PCDHGB3: variants seen among roughly 807,000 people sequenced by gnomAD.
The protein encoded by PCDHGB3 is protocadherin gamma-B3.
PCDHGB3 carries 40 observed loss-of-function variants against 59.2 expected under a neutral mutation model. The observed-to-expected ratio is 0.68, with a 90% CI of 0.52 to 0.88. The LOEUF (loss-of-function observed/expected upper bound fraction) is 0.88. Among genes scored for constraint, PCDHGB3 ranks in the 40% least tolerant of loss-of-function variants. The probability of loss-of-function intolerance (pLI) is 0.00; values close to 1 mark genes in which losing one functional copy is unlikely to be tolerated. For synonymous variants in PCDHGB3, 581 were observed against 503.6 expected (o/e 1.15, Z -2.06); for missense variants, 1,309 against 1,187.9 (o/e 1.10, Z -1.50).
chr5:141,438,627 T>TAC (rs2098030812), intron 1 of PCDHGB3, among the ~76,000 whole-genome samples: 3 of 48,012 alleles, frequency 6.2e-5, no homozygotes, highest in Non-Finnish European at 1.0e-4. Flanking sequence ...TATATATATA[T>TAC]ATATATATAC....
Position 141,405,415 on chromosome 5 carries a change from GT to G in PCDHGB3, c.2415+32612del, listed in dbSNP as rs757320616. The G allele has an allele frequency of 3.1e-4, 488 of 1,559,566 alleles. 1 individual carries two copies. Among genetic ancestry groups the G allele is most frequent in the Admixed American group, 8.4e-4 (46 of 54,770 alleles). On this transcript the variant is annotated intron_variant, in intron 1 of 3. Transcript: ENST00000576222. Reference sequence around the variant, plus strand: ...TTTTCTTTCTTTCTTTTCTTTTTTTGTTTTTTGTTTTGTTTTGTTTTTGAGA... The same window carrying G: ...TTTTCTTTCTTTCTTTTCTTTTTTTGTTTTTGTTTTGTTTTGTTTTTGAGA...
At chr5:141,403,125 A>G (rs755647554) in intron 1 of PCDHGB3, 2 of 1,614,028 alleles carry the variant, frequency 1.2e-6, no homozygotes. Context: ...GAGCCCCGGG[A>G]GCTGGCGGAG....
rs773389466 is a variant in PCDHGB3, at chr5:141,388,420, C to T, written c.2415+15611C>T. The T allele has an allele frequency of 3.1e-6, 5 of 1,613,778 alleles. No homozygotes were observed. The South Asian group carries it at 4.4e-5, about 14-fold the overall frequency. ...CAACTCAGTCCCAGTGATCATTTCT[C>T]ACTGATAAATAAAGAGAAATCAGAT... On this transcript the variant is annotated intron_variant, in intron 1 of 3. Coordinates refer to ENST00000576222, the MANE Select transcript of PCDHGB3 (RefSeq NM_018924.5).
At chr5:141,430,633 C>T in intron 1 of PCDHGB3, 1 of 868,018 alleles carries the variant, frequency 1.2e-6, no homozygotes, top group Non-Finnish European at 1.7e-6. Context: ...ATGAACCATC[C>T]CTGGGAGTAT....
chr5:141,408,157 T>C (rs748693406), intron 1 of PCDHGB3: 70 of 1,514,372 alleles, frequency 4.6e-5, no homozygotes, highest in Non-Finnish European at 5.9e-5. Flanking sequence ...AGAGTGCACT[T>C]TCTCCAACTG....
At position 141,491,971 on chromosome 5, in the gene PCDHGB3, T is replaced by C. The variant is rs62379205; in HGVS notation, c.2416-2836T>C. ...CCTACACTCAAAAAAGGCCGGGGCC[T>C]CCTTCGAGCTTCCGGTGAATTTCGG... is the stretch of plus-strand genomic sequence containing the variant. On this transcript the variant is annotated intron_variant, in intron 1 of 3. Coordinates refer to ENST00000576222, the MANE Select transcript of PCDHGB3 (RefSeq NM_018924.5). This position sits in a 1 kb window ranked among gnomAD's most constrained non-coding sequence, Gnocchi z 6.9. The C allele has an allele frequency of 0.2, 165,735 of 830,872 alleles. 17,637 individuals are homozygous for C. Among genetic ancestry groups the C allele is most frequent in the Admixed American group, 0.32 (8,466 of 26,688 alleles). 51.5% of individuals were successfully genotyped at this position (830,872 alleles called of 1,614,324 possible).
Position 141,431,260 on chromosome 5 carries a change from G to C in PCDHGB3, c.2415+58451G>C, listed in dbSNP as rs762250032. On this transcript the variant is annotated intron_variant, in intron 1 of 3. Coordinates refer to ENST00000576222, the MANE Select transcript of PCDHGB3 (RefSeq NM_018924.5). The surrounding 1 kb of genome is among the most constrained non-coding windows in gnomAD (Gnocchi z 4.8). The stretch of plus-strand genomic sequence containing the variant: ...ATCCGGATATCGGGAAGAACTCTCT[G>C]CAGAGCTACGAGCTCAGCCCGAACA... 6.2e-7 allele frequency: 1 copy of C among 1,614,170 alleles called. No homozygotes were observed. Among genetic ancestry groups the C allele is most frequent in the Non-Finnish European group, 8.5e-7 (1 of 1,180,052 alleles).
At position 141,491,578 on chromosome 5, in the gene PCDHGB3, C is replaced by T. The variant is rs1438933474; in HGVS notation, c.2416-3229C>T. 7.4e-6 allele frequency: 12 copies of T among 1,613,888 alleles called. No homozygotes were observed. The highest frequency in any genetic ancestry group is 1.0e-5 in the Non-Finnish European group (12 of 1,180,044). On this transcript the variant is annotated intron_variant, in intron 1 of 3. Coordinates refer to ENST00000576222, the MANE Select transcript of PCDHGB3 (RefSeq NM_018924.5). This position sits in a 1 kb window ranked among gnomAD's most constrained non-coding sequence, Gnocchi z 6.9. ...CCACTGCTACAGGACGTGCTTTTCA[C>T]CGGCCTCGGACGGCAGTGACTTCAC...
intron 1 of PCDHGB3, chr5:141,479,290 T>C (rs1045200175): frequency 1.3e-5 from 2 of 152,438 alleles, no homozygotes; most frequent in Non-Finnish European, 2.9e-5. Flanking sequence ...AAAATAAATC[T>C]AGGCAACCCA....
Position 141,490,389 on chromosome 5 carries a change from T to C in PCDHGB3, c.2416-4418T>C, listed in dbSNP as rs1221410350. The C allele has an allele frequency of 6.2e-7, 1 of 1,614,174 alleles. No homozygotes were observed. Among genetic ancestry groups the C allele is most frequent in the African/African-American group, 1.3e-5 (1 of 75,040 alleles). On this transcript the variant is annotated intron_variant, in intron 1 of 3. Transcript: ENST00000576222. The surrounding 1 kb of genome is among the most constrained non-coding windows in gnomAD (Gnocchi z 5.4). The stretch of plus-strand genomic sequence containing the variant: ...GAGACCGGGACTCAGGTAGAAATGG[T>C]GAAGTGAGCCTTGATATCTCTCCGG...
Position 141,476,715 on chromosome 5 carries a change from G to C in PCDHGB3, c.2416-18092G>C. 6.2e-7 allele frequency: 1 copy of C among 1,614,168 alleles called. No individual in the cohort carries two copies. The highest frequency in any genetic ancestry group is 8.5e-7 in the Non-Finnish European group (1 of 1,180,030). On this transcript the variant is annotated intron_variant, in intron 1 of 3. Transcript: ENST00000576222. The surrounding 1 kb of genome is among the most constrained non-coding windows in gnomAD (Gnocchi z 7.6). ...AAGTACGCGGAGCTGGTGTTGGAGC[G>C]CGCCCTGGACCGAGAACGGGAGCCT...
Position 141,491,009 on chromosome 5 carries a change from C to A in PCDHGB3, c.2416-3798C>A. On this transcript the variant is annotated intron_variant, in intron 1 of 3. Transcript: ENST00000576222. This position sits in a 1 kb window ranked among gnomAD's most constrained non-coding sequence, Gnocchi z 6.9. ...TCTGCTCCTCCTGGCTCCTTGGTCA[C>A]CAAGGTGACAGCCGTGGATGCTGAT... 4 of 1,614,140 alleles carry A rather than the reference C, an allele frequency of 2.5e-6. No homozygotes were observed. Among genetic ancestry groups the A allele is most frequent in the Non-Finnish European group, 3.4e-6 (4 of 1,180,038 alleles).
chr5:141,425,317 C>T (rs78746536), intron 1 of PCDHGB3, among the ~76,000 whole-genome samples: 174 of 152,168 alleles, frequency 1.1e-3, no homozygotes, highest in East Asian at 3.7e-3. Context: ...TTCCCAAGAT[C>T]GTGGAGAACA....
chr5:141,403,517 G>A, intron 1 of PCDHGB3: 1 of 1,614,030 alleles, frequency 6.2e-7, no homozygotes, highest in Non-Finnish European at 8.5e-7. Context: ...AGACAATGGA[G>A]CCATAAACCC....
At chr5:141,450,006 CTTT>C (rs1554136305) in intron 1 of PCDHGB3, among the ~76,000 whole-genome samples, 9 of 132,974 alleles carry the variant, frequency 6.8e-5, no homozygotes, top group Admixed American at 7.8e-5. Context: ...TGCCATGTCT[CTTT>C]TTTTTTTTTT....
intron 3 of PCDHGB3, chr5:141,507,335 T>A (rs1228652205): frequency 6.6e-6 from 1 of 151,804 alleles, no homozygotes; most frequent in Non-Finnish European, 1.5e-5. Context: ...TGCTCATTGT[T>A]TACCTGAAAT....
At chr5:141,460,883 C>T (rs371847673) in intron 1 of PCDHGB3, among the ~76,000 whole-genome samples, 2 of 149,996 alleles carry the variant, frequency 1.3e-5, no homozygotes, top group East Asian at 2.0e-4. Context: ...TATTTCATGC[C>T]TTTTCGTGGC....
chr5:141,471,444 A>T (rs1366430114), intron 1 of PCDHGB3: 1 of 152,150 alleles, frequency 6.6e-6, no homozygotes, highest in Non-Finnish European at 1.5e-5. Flanking sequence ...AATCTCATGT[A>T]CCTTTTGAAA....
intron 1 of PCDHGB3, chr5:141,426,519 C>T: frequency 8.8e-6 from 3 of 341,848 alleles, no homozygotes; most frequent in South Asian, 6.9e-5. Flanking sequence ...TTACCGTGAA[C>T]ACGGAGAATG....
Sources: allele counts gnomAD v4.1 joint callset (sites outside exome capture counted in the v4.1 genomes callset), GRCh38; gene constraint gnomAD v4.1.1; non-coding constraint Gnocchi (gnomAD v3.1); transcripts MANE v1.5; gene names NCBI Gene and HGNC (gene_info 2026-07-23, HGNC 2026-07-21).